Variants in BBS1 observed in about 807,000 individuals in gnomAD.
BBS1 encodes the protein BBSome complex member BBS1.
Under a neutral mutation model 73.9 loss-of-function variants are expected in BBS1, and 60 were observed. The ratio of observed to expected loss-of-function variants is 0.81; its 90% CI spans 0.66 to 1.01. The LOEUF (loss-of-function observed/expected upper bound fraction) is 1.01. Ranked by LOEUF, BBS1 falls within the 50% of genes least tolerant of loss-of-function variation. BBS1 has a pLI of 0.00. For synonymous variants in BBS1, 283 were observed against 317.4 expected (o/e 0.89, Z 1.15); for missense variants, 718 against 770.3 (o/e 0.93, Z 0.80).
chr11:66,517,124 G>A (rs562280439), intron 7 of BBS1, among the ~76,000 whole-genome samples: 19 of 151,834 alleles, frequency 1.3e-4, no homozygotes, highest in African/African-American at 4.3e-4. Context: ...GCGTTAACCC[G>A]GGAGGCGGAG....
At chr11:66,521,574 A>G (rs1357128793) in intron 9 of BBS1, 198 bp downstream of exon 9, 1 of 620,718 alleles carries the variant, frequency 1.6e-6, no homozygotes, top group African/African-American at 1.8e-5. Flanking sequence ...GCACAGTGAG[A>G]GACTAGGCTG....
chr11:66,531,312 C>G (rs1856771386), intron 15 of BBS1, among the ~76,000 whole-genome samples: 1 of 152,234 alleles, frequency 6.6e-6, no homozygotes, highest in South Asian at 2.1e-4. Context: ...CCACCTACAC[C>G]TCCCAGAAGG....
chr11:66,519,943 C>G (rs1251126553), intron 8 of BBS1, 195 bp downstream of exon 8: 2 of 584,648 alleles, frequency 3.4e-6, no homozygotes, highest in Non-Finnish European at 5.9e-6. Context: ...ATAGGTCTCT[C>G]TAGACATTTT....
intron 13 of BBS1, chr11:66,527,761 G>T (rs1856583793): frequency 6.6e-6 from 1 of 152,166 alleles, no homozygotes; most frequent in South Asian, 2.1e-4. Flanking sequence ...TGTGTAGAAG[G>T]GGTTTCTGCA....
chr11:66,526,333 G>T, intron 12 of BBS1, 141 bp downstream of exon 12: 1 of 890,098 alleles, frequency 1.1e-6, no homozygotes, highest in Non-Finnish European at 1.7e-6. Context: ...TGTCCTTCTG[G>T]AGCTAGGCCT....
chr11:66,513,419 A>G (rs1264775893), intron 3 of BBS1, among the ~76,000 whole-genome samples: 2 of 152,196 alleles, frequency 1.3e-5, no homozygotes, highest in Non-Finnish European at 2.9e-5. Flanking sequence ...ATTCAGACAG[A>G]ACTAGCTCTA....
At chr11:66,523,407 A>G (rs1372696339) in intron 9 of BBS1, 49 bp from the exon 10 acceptor site, 1 of 1,613,986 alleles carries the variant, frequency 6.2e-7, no homozygotes, top group Non-Finnish European at 8.5e-7. Flanking sequence ...CAGCCATAGA[A>G]GTGGAGAGGA....
At chr11:66,525,176 G>C (rs950374775) in intron 11 of BBS1, among the ~76,000 whole-genome samples, 3 of 150,588 alleles carry the variant, frequency 2.0e-5, no homozygotes, top group African/African-American at 7.4e-5. Context: ...CTCCAGCCTG[G>C]GTGACAGAGC....
chr11:66,529,676 T>C (rs1856681842), intron 13 of BBS1, 143 bp from the exon 14 acceptor site: 2 of 1,073,768 alleles, frequency 1.9e-6, no homozygotes, highest in East Asian at 2.5e-5. Context: ...GCTCTTTCCC[T>C]CCTCCCCAGC....
intron 8 of BBS1, chr11:66,520,441 C>T (rs1856169450): frequency 6.5e-6 from 1 of 153,270 alleles, no homozygotes; most frequent in African/African-American, 2.4e-5. Context: ...TGTACCACCA[C>T]ACCCAGCTAA....
intron 11 of BBS1, 50 bp from the exon 12 acceptor site, chr11:66,526,073 C>T (rs1590771587): frequency 1.3e-6 from 2 of 1,582,670 alleles, no homozygotes; most frequent in East Asian, 4.5e-5. Context: ...CCCTGTCTTG[C>T]TTTCCTCTCC....
In BBS1 at chr11:66,515,933, G is replaced by A. The variant is rs1471810620; in HGVS notation, c.591G>A (p.Gln197=). ...NQHKSNSIKR[Q]TVITTMTTLK... ...ACAAGTCCAACTCCATCAAGCGGCA[G>A]GTAATACCCCCTTCTCTTTTTATTT... is the stretch of plus-strand genomic sequence containing the variant. The change falls in exon 7 of 17, where the codon CAG becomes CAA. Residue 197 remains glutamine, a splice_region_variant and synonymous_variant. Coordinates refer to ENST00000318312, the MANE Select transcript of BBS1 (RefSeq NM_024649.5). 6.2e-7 allele frequency: 1 copy of A among 1,614,094 alleles called. No homozygotes were observed. Among genetic ancestry groups the A allele is most frequent in the Non-Finnish European group, 8.5e-7 (1 of 1,180,000 alleles).
At chr11:66,522,361 A>G (rs528714602) in intron 9 of BBS1, among the ~76,000 whole-genome samples, 2 of 149,568 alleles carry the variant, frequency 1.3e-5, no homozygotes, top group East Asian at 2.0e-4. Context: ...ATTTTGTGAG[A>G]CAGAGTCACA....
At chr11:66,512,463 T>A (rs982594537) in intron 3 of BBS1, among the ~76,000 whole-genome samples, 1 of 152,148 alleles carries the variant, frequency 6.6e-6, no homozygotes, top group African/African-American at 2.4e-5. Flanking sequence ...CCCAAATTCC[T>A]ATCCATAATG....
intron 3 of BBS1, 129 bp downstream of exon 3, chr11:66,511,368 C>T (rs994866010): frequency 5.1e-6 from 6 of 1,173,208 alleles, no homozygotes; most frequent in Non-Finnish European, 6.0e-6. Context: ...GCACATTTAG[C>T]GTTAAATTTT....
chr11:66,526,528 G>T, intron 12 of BBS1, 121 bp from the exon 13 acceptor site: 1 of 1,252,984 alleles, frequency 8.0e-7, no homozygotes, highest in African/African-American at 1.5e-5. Context: ...AAACAGTCTC[G>T]TCTGGAAGAC....
intron 4 of BBS1, 53 bp from the exon 5 acceptor site, chr11:66,515,487 T>G: frequency 1.3e-6 from 2 of 1,599,110 alleles, no homozygotes; most frequent in Middle Eastern, 1.9e-4. Context: ...GGTGTAGACA[T>G]TGGGTTTCCT....
chr11:66,522,839 C>G, intron 9 of BBS1: 1 of 300,486 alleles, frequency 3.3e-6, no homozygotes, highest in South Asian at 3.0e-5. Flanking sequence ...AAAATACAAG[C>G]TCAATGGGGA....
At chr11:66,531,121 A>T in intron 15 of BBS1, 93 bp downstream of exon 15, 1 of 1,544,878 alleles carries the variant, frequency 6.5e-7, no homozygotes, top group Non-Finnish European at 8.8e-7. Context: ...TCAGGGTCAG[A>T]GCGTGCGGGT....
Sources: gnomAD v4.1 joint callset for allele counts (sites outside exome capture counted in the v4.1 genomes callset) on GRCh38, gnomAD v4.1.1 for gene constraint, MANE v1.5 for transcripts, NCBI Gene and HGNC (gene_info 2026-07-23, HGNC 2026-07-21) for gene names.